Variants in CDC42SE2 observed in about 807,000 individuals in gnomAD.
CDC42SE2 encodes the protein CDC42 small effector protein 2.
Under a neutral mutation model 11.5 loss-of-function variants are expected in CDC42SE2, and 3 were observed. The ratio of observed to expected loss-of-function variants is 0.26; its 90% confidence interval spans 0.12 to 0.67. The LOEUF (loss-of-function observed/expected upper bound fraction) is 0.67. Among genes scored for constraint, CDC42SE2 ranks in the 30% least tolerant of loss-of-function variants. The probability of loss-of-function intolerance (pLI) is 0.80; values close to 1 mark genes in which losing one functional copy is unlikely to be tolerated. For synonymous variants in CDC42SE2, 33 were observed against 34.8 expected (o/e 0.95, Z 0.18); for missense variants, 82 against 106.8 (o/e 0.77, Z 1.02).
intron 2 of CDC42SE2, among the ~76,000 whole-genome samples, chr5:131,325,119 T>TA (rs1171822942): frequency 6.6e-6 from 1 of 152,198 alleles, no homozygotes; most frequent in East Asian, 1.9e-4. Context: ...TTCCCTCTTA[T>TA]AATAAGAAAT....
chr5:131,225,293 C>T, the CDC42SE2 span, among the ~76,000 whole-genome samples: 1 of 152,190 alleles, frequency 6.6e-6, no homozygotes, highest in Non-Finnish European at 1.5e-5. Context: ...AGCTTTCAAA[C>T]TAACGGGATT....
At chr5:131,282,751 C>T (rs1372726587) in intron 1 of CDC42SE2, among the ~76,000 whole-genome samples, 1 of 151,788 alleles carries the variant, frequency 6.6e-6, no homozygotes. Context: ...GCCTCAGCCT[C>T]CCGAGTAGCT....
rs566883573 is a variant in CDC42SE2 at position 131,392,108 on chromosome 5, G to A, written c.*1017G>A. On this transcript the variant is annotated 3_prime_UTR_variant, in exon 5 of 5. Transcript: ENST00000505065. Reference sequence around the variant, plus strand: ...TTTAATCAGTATGGATCTGATCTTCGCATGATCTTTTTTGTGAATGCTAAC... The same window carrying A: ...TTTAATCAGTATGGATCTGATCTTCACATGATCTTTTTTGTGAATGCTAAC... 7.2e-5 allele frequency: 11 copies of A among 152,518 alleles called. No homozygotes were observed. The East Asian group carries it at 1.9e-3, about 26-fold the overall frequency. The allele number at this position is 152,518 out of a possible 1,614,324, so 9.4% of individuals were successfully genotyped here.
At chr5:131,368,250 C>CT (rs1352646771) in intron 3 of CDC42SE2, among the ~76,000 whole-genome samples, 2 of 115,684 alleles carry the variant, frequency 1.7e-5, no homozygotes, top group Admixed American at 1.7e-4. Context: ...GAGACTCCAT[C>CT]TCAAAAAAAA....
At chr5:131,341,941 A>G (rs975813348) in intron 2 of CDC42SE2, among the ~76,000 whole-genome samples, 8 of 151,996 alleles carry the variant, frequency 5.3e-5, no homozygotes. Context: ...TAGTCTAAAA[A>G]TTGATAATTT....
chr5:131,300,624 A>G (rs1757658110), intron 1 of CDC42SE2, among the ~76,000 whole-genome samples: 1 of 152,010 alleles, frequency 6.6e-6, no homozygotes, highest in Non-Finnish European at 1.5e-5. Context: ...TCTACTAAAA[A>G]TACAAAAAAT....
chr5:131,315,079 G>A (rs544657357), intron 1 of CDC42SE2, among the ~76,000 whole-genome samples: 5 of 152,042 alleles, frequency 3.3e-5, no homozygotes, highest in Admixed American at 2.6e-4. Context: ...TGGCTTGAGC[G>A]GAATATATGG....
chr5:131,219,529 C>A, the CDC42SE2 span, among the ~76,000 whole-genome samples: 1 of 152,052 alleles, frequency 6.6e-6, no homozygotes, highest in South Asian at 2.1e-4. Flanking sequence ...TGATAGTGAA[C>A]AAGTAAGATT....
At chr5:131,361,733 G>A (rs192831638) in intron 3 of CDC42SE2, among the ~76,000 whole-genome samples, 32 of 152,238 alleles carry the variant, frequency 2.1e-4, no homozygotes, top group Middle Eastern at 3.4e-3. Context: ...CTGTCGATGA[G>A]GGAGCCAGAA....
rs576786348 is a variant in CDC42SE2, at chr5:131,311,093, C to T, written c.-454-4883C>T. Among the ~76,000 whole-genome samples, 739 of 151,888 alleles carry T rather than the reference C, an allele frequency of 4.9e-3. 4 individuals are homozygous for T. The highest frequency in any genetic ancestry group is 0.016 in the African/African-American group (678 of 41,378). On this transcript the variant is annotated intron_variant, in intron 1 of 4. Transcript: ENST00000505065. The stretch of plus-strand genomic sequence containing the variant: ...AGCGGCTGGTACCAGTTTTTCCTTT[C>T]CATGTTTAGTGCTTCCTTCAGGAGC...
intron 2 of CDC42SE2, among the ~76,000 whole-genome samples, chr5:131,322,334 A>G (rs1185353453): frequency 1.3e-5 from 2 of 152,008 alleles, no homozygotes; most frequent in Non-Finnish European, 2.9e-5. Flanking sequence ...ATTTCTCCCT[A>G]TTGCCATCCC....
chr5:131,310,517 T>G (rs567037130), intron 1 of CDC42SE2, among the ~76,000 whole-genome samples: 6 of 152,132 alleles, frequency 3.9e-5, no homozygotes, highest in African/African-American at 4.8e-5. Context: ...ACTTTCTGTC[T>G]CATTGATCTG....
intron 2 of CDC42SE2, among the ~76,000 whole-genome samples, chr5:131,353,460 T>C (rs868484271): frequency 2.0e-5 from 3 of 152,062 alleles, no homozygotes; most frequent in Admixed American, 6.6e-5. Flanking sequence ...TTTTGTATTT[T>C]TAGTAGGGAT....
At position 131,342,777 on chromosome 5, in the gene CDC42SE2, A is replaced by G. The variant is rs892589308; in HGVS notation, c.-285-16432A>G. On this transcript the variant is annotated intron_variant, in intron 2 of 4. Coordinates refer to ENST00000505065, the MANE Select transcript of CDC42SE2 (RefSeq NM_001375635.1). ...ACTCAGGTTGGAGTGCAGTGGCACA[A>G]TCTTGGCTCACTGCAACCTCCGCCT... Among the ~76,000 whole-genome samples, 59 of 151,996 alleles carry G rather than the reference A, an allele frequency of 3.9e-4. 1 individual carries two copies. Among genetic ancestry groups the G allele is most frequent in the Non-Finnish European group, 1.3e-4 (9 of 68,008 alleles).
At chr5:131,284,688 G>T (rs758972344) in intron 1 of CDC42SE2, among the ~76,000 whole-genome samples, 1 of 152,028 alleles carries the variant, frequency 6.6e-6, no homozygotes, top group Non-Finnish European at 1.5e-5. Context: ...TGCCCAGGTT[G>T]GTTGTGAACT....
upstream of CDC42SE2, among the ~76,000 whole-genome samples, chr5:131,243,744 AT>A (rs1342654444): frequency 6.6e-6 from 1 of 152,224 alleles, no homozygotes; most frequent in Non-Finnish European, 1.5e-5. Flanking sequence ...TTCAATACAA[AT>A]TTAAAGTTGC....
chr5:131,269,289 A>T (rs1756942657), intron 1 of CDC42SE2, among the ~76,000 whole-genome samples: 1 of 152,182 alleles, frequency 6.6e-6, no homozygotes, highest in African/African-American at 2.4e-5. Flanking sequence ...CAAATAGATT[A>T]TGGTAAAACA....
rs553487942 is a variant in CDC42SE2, at chr5:131,349,806, A to T, written c.-285-9403A>T. Among the ~76,000 whole-genome samples, 3 of 152,372 alleles carry T rather than the reference A, an allele frequency of 2.0e-5. No homozygotes were observed. In the South Asian group the frequency reaches 6.2e-4, roughly 32 times the overall value. On this transcript the variant is annotated intron_variant, in intron 2 of 4. Transcript: ENST00000505065. ...AAAATTAGGAATAATTCAAATGCAT[A>T]TGCAGTTATTTTTAAGGTATGTGCA...
chr5:131,275,498 T>C (rs1484259187), intron 1 of CDC42SE2, among the ~76,000 whole-genome samples: 2 of 152,056 alleles, frequency 1.3e-5, no homozygotes, highest in African/African-American at 4.8e-5. Context: ...TTCACCATAT[T>C]GGCCAGGCTG....
Sources: gnomAD v4.1 joint callset for allele counts (sites outside exome capture counted in the v4.1 genomes callset) on GRCh38, gnomAD v4.1.1 for gene constraint, MANE v1.5 for transcripts, NCBI Gene and HGNC (gene_info 2026-07-23, HGNC 2026-07-21) for gene names.